The following ABHD18 variants were observed in gnomAD, a reference collection of about 807,000 sequenced individuals.
ABHD18 encodes cardiolipin-specific deacylase, mitochondrial.
ABHD18 carries 55 observed loss-of-function variants against 65.9 expected under a neutral mutation model. The observed-to-expected ratio is 0.84, with a 90% CI of 0.67 to 1.05. ABHD18 has a LOEUF of 1.05. Among genes scored for constraint, ABHD18 ranks in the 50% least tolerant of loss-of-function variants. The pLI is 0.00. For synonymous variants in ABHD18, 181 were observed against 180.2 expected (o/e 1.00, Z -0.04); for missense variants, 533 against 558.5 (o/e 0.95, Z 0.46).
chr4:128,020,365 G>C (rs1165598592), intron 9 of ABHD18, among the ~76,000 whole-genome samples, 196 bp downstream of exon 9: 3 of 152,134 alleles, frequency 2.0e-5, no homozygotes, highest in African/African-American at 7.2e-5. Flanking sequence ...AGCGCATGAG[G>C]TAGAGTCCAA....
chr4:128,015,520 G>C (rs912701544), intron 7 of ABHD18, among the ~76,000 whole-genome samples: 4 of 152,154 alleles, frequency 2.6e-5, no homozygotes, highest in African/African-American at 7.2e-5. Context: ...AAAATGACTT[G>C]AGGATAGGAA....
chr4:127,974,311 C>A (rs1747475742), intron 1 of ABHD18, among the ~76,000 whole-genome samples: 2 of 147,274 alleles, frequency 1.4e-5, no homozygotes, highest in South Asian at 4.4e-4. Flanking sequence ...TATCCTCCTA[C>A]CTCAGCCTTT....
intron 8 of ABHD18, among the ~76,000 whole-genome samples, chr4:128,019,503 T>C (rs1424182357): frequency 6.6e-6 from 1 of 152,226 alleles, no homozygotes; most frequent in Admixed American, 6.5e-5. Context: ...TCTAGAAGAC[T>C]CATCCATTTC....
chr4:127,987,739 C>G (rs1750228628), intron 3 of ABHD18, among the ~76,000 whole-genome samples: 1 of 151,558 alleles, frequency 6.6e-6, no homozygotes, highest in South Asian at 2.1e-4. Flanking sequence ...AAAATAAATA[C>G]ATAAGAAGAA....
chr4:128,015,739 A>G (rs1392367246), intron 7 of ABHD18, among the ~76,000 whole-genome samples: 1 of 152,130 alleles, frequency 6.6e-6, no homozygotes, highest in Non-Finnish European at 1.5e-5. Context: ...TTCTTTGCAC[A>G]TATTATGTGT....
chr4:127,975,039 G>C (rs763247100), intron 1 of ABHD18, among the ~76,000 whole-genome samples: 51 of 145,706 alleles, frequency 3.5e-4, no homozygotes, highest in Non-Finnish European at 6.6e-4. Context: ...ACTGCTTACT[G>C]ACAAAGTTGT....
chr4:128,004,008 C>T (rs1753163665), intron 4 of ABHD18, among the ~76,000 whole-genome samples: 1 of 150,876 alleles, frequency 6.6e-6, no homozygotes, highest in African/African-American at 2.4e-5. Context: ...TTGTAGAATT[C>T]ACTGATTTTT....
chr4:127,992,504 G>A (rs1022577294), intron 4 of ABHD18, among the ~76,000 whole-genome samples: 2 of 151,832 alleles, frequency 1.3e-5, no homozygotes, highest in East Asian at 1.9e-4. Flanking sequence ...AATAGTGTGC[G>A]GGGAATATAA....
In ABHD18 at chr4:127,983,002, CA is replaced by C; in HGVS notation, c.51del (p.Lys17AsnfsTer22). 1 of 1,565,148 alleles carries C rather than the reference CA, an allele frequency of 6.4e-7. No homozygotes were observed. The highest frequency in any genetic ancestry group is 8.7e-7 in the Non-Finnish European group (1 of 1,153,402). On this transcript the variant is annotated frameshift_variant, in exon 2 of 13. Coordinates refer to ENST00000645843, the MANE Select transcript of ABHD18 (RefSeq NM_001358451.3). LOFTEE classifies it high-confidence loss of function. ...ATTCTATACCGGAGACTTCTCCTAA[CA>C]AAACTTTTTATCAGAGGATGGGGAA... ...LDILYRRLLLTKLFIRGWGRP... is the reference protein window; with the variant it reads ...LDILYRRLLLXKLFIRGWGRP...
chr4:128,006,531 A>G (rs1468948855), intron 4 of ABHD18, among the ~76,000 whole-genome samples: 2 of 152,180 alleles, frequency 1.3e-5, no homozygotes, highest in African/African-American at 4.8e-5. Context: ...GATAAGGGGT[A>G]ATATTACCCC....
intron 1 of ABHD18, among the ~76,000 whole-genome samples, chr4:127,978,371 A>G (rs757456607): frequency 2.0e-5 from 3 of 152,046 alleles, no homozygotes; most frequent in Non-Finnish European, 4.4e-5. Context: ...CAATGAGAAG[A>G]AGGAATTTAA....
At chr4:127,966,551 G>C (rs1745445377) in intron 1 of ABHD18, among the ~76,000 whole-genome samples, 1 of 151,848 alleles carries the variant, frequency 6.6e-6, no homozygotes, top group Non-Finnish European at 1.5e-5. Flanking sequence ...CAGTTCACTG[G>C]TGAACACCTA....
chr4:128,016,896 T>A (rs1755605876), intron 7 of ABHD18, among the ~76,000 whole-genome samples: 1 of 152,140 alleles, frequency 6.6e-6, no homozygotes, highest in Admixed American at 6.5e-5. Context: ...TGTAATCCAA[T>A]GTTAGCAGCT....
chr4:127,984,357 G>A lies in ABHD18; in HGVS notation c.111G>A (p.Lys37=). The A allele has an allele frequency of 6.5e-7, 1 of 1,549,862 alleles. No individual in the cohort carries two copies. Among genetic ancestry groups the A allele is most frequent in the Non-Finnish European group, 8.7e-7 (1 of 1,145,384 alleles). The change falls in exon 3 of 13, where the codon AAG becomes AAA. Residue 37 remains lysine (K), a synonymous_variant. Transcript: ENST00000645843. Reference sequence around the variant, plus strand: ...ATAATAGACTCTTTGAATTCAGAAAGATGATTGGAAATCGGGAAAGATGCC... The same window carrying A: ...ATAATAGACTCTTTGAATTCAGAAAAATGATTGGAAATCGGGAAAGATGCC... ...EDLKRLFEFR[K]MIGNRERCQN... is the part of the protein sequence containing the mutation.
At position 128,015,186 on chromosome 4, in the gene ABHD18, T is replaced by G. The variant is rs933086618; in HGVS notation, c.471-2177T>G. Among the ~76,000 whole-genome samples, 3 of 152,002 alleles carry G rather than the reference T, an allele frequency of 2.0e-5. No homozygotes were observed. In the East Asian group the frequency reaches 5.8e-4, roughly 29 times the overall value. ...CCTGAGCCTGGCAAGTCGAGGCTGT[T>G]GTGAGCCATGATCAAGCCACTTCAC... On this transcript the variant is annotated intron_variant, in intron 7 of 12. Coordinates refer to ENST00000645843, the MANE Select transcript of ABHD18 (RefSeq NM_001358451.3).
intron 4 of ABHD18, among the ~76,000 whole-genome samples, chr4:128,000,406 T>C (rs1168375326): frequency 6.6e-6 from 1 of 152,216 alleles, no homozygotes; most frequent in Non-Finnish European, 1.5e-5. Flanking sequence ...TCTGTTATTG[T>C]TGACTTTGCC....
intron 12 of ABHD18, among the ~76,000 whole-genome samples, chr4:128,035,220 AAT>A (rs1049371354): frequency 6.6e-6 from 1 of 152,120 alleles, no homozygotes; most frequent in African/African-American, 2.4e-5. Context: ...TGTATGTATG[AAT>A]ATATATATTC....
chr4:127,984,717 G>A (rs778031333), intron 3 of ABHD18, among the ~76,000 whole-genome samples: 7 of 151,928 alleles, frequency 4.6e-5, no homozygotes, highest in South Asian at 2.1e-4. Context: ...AAAATTAGCC[G>A]GGCATGGTGG....
At chr4:128,015,811 C>A (rs1232608140) in intron 7 of ABHD18, among the ~76,000 whole-genome samples, 1 of 152,006 alleles carries the variant, frequency 6.6e-6, no homozygotes, top group Non-Finnish European at 1.5e-5. Flanking sequence ...AGGTTTCATT[C>A]AATAACCAGT....
Sources: allele counts gnomAD v4.1 joint callset (sites outside exome capture counted in the v4.1 genomes callset), GRCh38; gene constraint gnomAD v4.1.1; transcripts MANE v1.5; gene names NCBI Gene and HGNC (gene_info 2026-07-23, HGNC 2026-07-21).